The following BNC2 variants were observed in gnomAD, a reference collection of about 807,000 sequenced individuals.
BNC2 encodes the protein zinc finger protein basonuclin-2.
In BNC2, 20 loss-of-function variants were observed where a neutral mutation model predicts 76.3. The observed-to-expected ratio is 0.26, with a 90% CI of 0.18 to 0.38. BNC2 has a LOEUF of 0.38. BNC2 is among the 10% of genes least tolerant of loss of function. The pLI is 1.00. For missense variants in BNC2, 1,382 were observed against 1,399.8 expected (o/e 0.99, Z 0.20); for synonymous variants, 582 against 514.8 (o/e 1.13, Z -1.77).
chr9:16,526,976 T>C (rs1424129397), intron 5 of BNC2, among the ~76,000 whole-genome samples: 2 of 152,208 alleles, frequency 1.3e-5, no homozygotes, highest in South Asian at 4.1e-4. Flanking sequence ...GCAGTAGCAG[T>C]TTCCTGAAAA....
At chr9:16,645,241 T>G (rs1208925846) in intron 3 of BNC2, among the ~76,000 whole-genome samples, 1 of 152,208 alleles carries the variant, frequency 6.6e-6, no homozygotes, top group Non-Finnish European at 1.5e-5. Flanking sequence ...TTCTTCTAAC[T>G]CTATATTGCT....
intron 1 of BNC2, 151 bp from the exon 2 acceptor site, chr9:16,738,636 A>G (rs553303500): frequency 1.6e-5 from 13 of 830,950 alleles, no homozygotes; most frequent in East Asian, 2.7e-5. Flanking sequence ...TAAGGCTGAT[A>G]GTAGCCAACA....
rs537657925 is a variant in BNC2 at position 16,812,935 on chromosome 9, G to A, written c.3+57711C>T. Reference sequence around the variant, plus strand: ...AAAATAGAAAAATTCCTGGCCGGGCGCGGTGGCTCACGTCTGTAATCCCAG... The same window carrying A: ...AAAATAGAAAAATTCCTGGCCGGGCACGGTGGCTCACGTCTGTAATCCCAG... On this transcript the variant is annotated intron_variant, in intron 1 of 6. Transcript: ENST00000380672. 3.3e-5 allele frequency among the ~76,000 whole-genome samples: 5 copies of A among 152,226 alleles called. No individual in the cohort carries two copies. In the East Asian group the frequency reaches 5.8e-4, roughly 18 times the overall value.
intron 3 of BNC2, among the ~76,000 whole-genome samples, chr9:16,641,882 A>C (rs957711517): frequency 6.6e-6 from 1 of 152,224 alleles, no homozygotes; most frequent in African/African-American, 2.4e-5. Context: ...AAATAATCAA[A>C]ATACCATGTA....
At chr9:16,456,143 A>G (rs1563791745) in intron 5 of BNC2, among the ~76,000 whole-genome samples, 1 of 152,180 alleles carries the variant, frequency 6.6e-6, no homozygotes, top group Non-Finnish European at 1.5e-5. Flanking sequence ...TGCCAGTTTA[A>G]CATGAAATTA....
intron 4 of BNC2, among the ~76,000 whole-genome samples, chr9:16,555,290 CG>C: frequency 6.6e-6 from 1 of 151,914 alleles, no homozygotes; most frequent in South Asian, 2.1e-4. Context: ...CCCAAAGTGC[CG>C]GGATTACAGG....
chr9:16,522,684 A>T (rs571762119), intron 5 of BNC2, among the ~76,000 whole-genome samples: 27 of 152,308 alleles, frequency 1.8e-4, no homozygotes, highest in Non-Finnish European at 3.8e-4. Flanking sequence ...ACGATAAAGC[A>T]CAACACTTAT....
In BNC2 at chr9:16,845,466, A is replaced by G. The variant is rs527461628; in HGVS notation, c.3+25180T>C. Among the ~76,000 whole-genome samples the G allele has an allele frequency of 9.1e-4, 138 of 152,308 alleles. 1 individual carries two copies. Among genetic ancestry groups the G allele is most frequent in the Admixed American group, 1.6e-3 (24 of 15,294 alleles). ...GCCGGGCGCGGTGGCTCACACCTGT[A>G]ATCCCAGCAATTTGGGAGGCCAAGG... On this transcript the variant is annotated intron_variant, in intron 1 of 6. Coordinates refer to ENST00000380672, the MANE Select transcript of BNC2 (RefSeq NM_017637.6).
intron 1 of BNC2, among the ~76,000 whole-genome samples, chr9:16,861,136 G>A (rs964234254): frequency 6.7e-6 from 1 of 148,902 alleles, no homozygotes; most frequent in East Asian, 2.0e-4. Context: ...GAGGCCAGGA[G>A]TTTGAAACCA....
intron 3 of BNC2, among the ~76,000 whole-genome samples, chr9:16,661,186 T>C (rs1822101105): frequency 6.6e-6 from 1 of 152,190 alleles, no homozygotes; most frequent in African/African-American, 2.4e-5. Context: ...TGTGAGCCCT[T>C]ACCTCATTCC....
At chr9:16,453,259 C>T (rs1475112410) in intron 5 of BNC2, among the ~76,000 whole-genome samples, 9 of 152,088 alleles carry the variant, frequency 5.9e-5, no homozygotes, top group East Asian at 1.9e-4. Context: ...AACTGAGGTG[C>T]GTCAAAGTTG....
intron 3 of BNC2, among the ~76,000 whole-genome samples, chr9:16,629,210 A>G (rs1821089421): frequency 6.6e-6 from 1 of 152,210 alleles, no homozygotes; most frequent in South Asian, 2.1e-4. Context: ...CTAAACTATA[A>G]TGTTGTAAAG....
At chr9:16,666,628 C>T (rs990956135) in intron 3 of BNC2, among the ~76,000 whole-genome samples, 1 of 152,220 alleles carries the variant, frequency 6.6e-6, no homozygotes, top group African/African-American at 2.4e-5. Flanking sequence ...ATTACTGAGA[C>T]TCACTGGGTG....
chr9:16,638,863 T>C (rs1378387222), intron 3 of BNC2, among the ~76,000 whole-genome samples: 1 of 152,196 alleles, frequency 6.6e-6, no homozygotes, highest in Non-Finnish European at 1.5e-5. Flanking sequence ...CTGGATAGGA[T>C]TTATGATTCT....
intron 4 of BNC2, among the ~76,000 whole-genome samples, chr9:16,572,434 A>C (rs2132870322): frequency 6.6e-6 from 1 of 152,342 alleles, no homozygotes; most frequent in African/African-American, 2.4e-5. Context: ...AATGGCAATT[A>C]GGAATCTGAG....
rs377048498 is a variant in BNC2 at position 16,868,119 on chromosome 9, T to C, written c.3+2527A>G. 1.4e-4 allele frequency: 21 copies of C among 152,134 alleles called. No individual in the cohort carries two copies. The East Asian group carries it at 3.9e-3, about 28-fold the overall frequency. The allele number at this position is 152,134 out of a possible 1,614,324, so 9.4% of individuals were successfully genotyped here. On this transcript the variant is annotated intron_variant, in intron 1 of 6. Coordinates refer to ENST00000380672, the MANE Select transcript of BNC2 (RefSeq NM_017637.6). ...AGATTTTTGAAAAGACGACACAGCA[T>C]TGACTCGTGACATGGCAAGATGAAA... is the stretch of plus-strand genomic sequence containing the variant.
chr9:16,656,386 G>A (rs1482472768), intron 3 of BNC2, among the ~76,000 whole-genome samples: 2 of 152,178 alleles, frequency 1.3e-5, no homozygotes, highest in South Asian at 2.1e-4. Context: ...AGAACTGATG[G>A]TAGGATTCGG....
At chr9:16,636,803 C>A (rs531948928) in intron 3 of BNC2, among the ~76,000 whole-genome samples, 1 of 152,270 alleles carries the variant, frequency 6.6e-6, no homozygotes, top group Non-Finnish European at 1.5e-5. Flanking sequence ...GATCCTCAAA[C>A]AAGGCAAACA....
intron 3 of BNC2, among the ~76,000 whole-genome samples, chr9:16,645,318 C>T (rs1237909513): frequency 1.3e-5 from 2 of 152,196 alleles, no homozygotes; most frequent in African/African-American, 2.4e-5. Flanking sequence ...GTTCTTACTA[C>T]TATTCTTTAT....
Sources: gnomAD v4.1 joint callset for allele counts (sites outside exome capture counted in the v4.1 genomes callset) on GRCh38, gnomAD v4.1.1 for gene constraint, MANE v1.5 for transcripts, NCBI Gene and HGNC (gene_info 2026-07-23, HGNC 2026-07-21) for gene names.